The following SLC9A9 variants were observed in gnomAD, a reference collection of about 807,000 sequenced individuals.
The protein encoded by SLC9A9 is sodium/hydrogen exchanger 9.
Under a neutral mutation model 77.8 loss-of-function variants are expected in SLC9A9, and 62 were observed. That is an observed-to-expected ratio of 0.80 (90% CI 0.65 to 0.98). The LOEUF (loss-of-function observed/expected upper bound fraction) is 0.98, where lower values mean the gene tolerates loss of function less well. Among genes scored for constraint, SLC9A9 ranks in the 50% least tolerant of loss-of-function variants. The pLI, the probability that SLC9A9 is intolerant of heterozygous loss-of-function variation, is 0.00. For missense variants in SLC9A9, 775 were observed against 774.9 expected (o/e 1.00, Z 0.00); for synonymous variants, 320 against 283.5 (o/e 1.13, Z -1.29).
chr3:143,305,954 T>A (rs557018367), intron 14 of SLC9A9, among the ~76,000 whole-genome samples: 4 of 152,328 alleles, frequency 2.6e-5, no homozygotes, highest in African/African-American at 9.6e-5. Flanking sequence ...CAAAACGGTC[T>A]AACAATTTCC....
chr3:143,722,952 A>G (rs568696269), intron 4 of SLC9A9, among the ~76,000 whole-genome samples: 6 of 152,264 alleles, frequency 3.9e-5, no homozygotes, highest in African/African-American at 1.4e-4. Context: ...CTTATCCCAT[A>G]TCACCAGTTG....
intron 8 of SLC9A9, among the ~76,000 whole-genome samples, chr3:143,570,036 GC>G (rs2037233725): frequency 1.3e-5 from 2 of 151,414 alleles, no homozygotes; most frequent in East Asian, 1.9e-4. Context: ...GAACTCTTGG[GC>G]CCAAGCAATC....
chr3:143,777,993 A>C (rs868477415), intron 4 of SLC9A9, among the ~76,000 whole-genome samples: 2 of 128,284 alleles, frequency 1.6e-5, no homozygotes, highest in South Asian at 5.3e-4. Flanking sequence ...GATTACAGGC[A>C]TGAGCCACCA....
chr3:143,385,399 A>G (rs2033401140), intron 12 of SLC9A9, among the ~76,000 whole-genome samples: 1 of 152,194 alleles, frequency 6.6e-6, no homozygotes, highest in Non-Finnish European at 1.5e-5. Context: ...ATTGCCTTGG[A>G]GGGCAATTTT....
chr3:143,576,221 T>C (rs1316406956), intron 7 of SLC9A9, among the ~76,000 whole-genome samples: 2 of 152,252 alleles, frequency 1.3e-5, no homozygotes, highest in Non-Finnish European at 2.9e-5. Flanking sequence ...TAACTTTAAT[T>C]GTCTCAGTTT....
intron 2 of SLC9A9, among the ~76,000 whole-genome samples, chr3:143,809,729 G>A (rs2008814588): frequency 6.6e-6 from 1 of 152,192 alleles, no homozygotes; most frequent in Non-Finnish European, 1.5e-5. Flanking sequence ...AAATCTTATG[G>A]ACAAGCACTG....
At chr3:143,361,674 G>A (rs762231198) in intron 14 of SLC9A9, among the ~76,000 whole-genome samples, 9 of 152,158 alleles carry the variant, frequency 5.9e-5, no homozygotes, top group Non-Finnish European at 1.3e-4. Context: ...AAATTACCAT[G>A]AGAAGAGATA....
chr3:143,412,873 T>C (rs902332955), intron 12 of SLC9A9, among the ~76,000 whole-genome samples: 2 of 152,200 alleles, frequency 1.3e-5, no homozygotes, highest in Non-Finnish European at 2.9e-5. Context: ...CCAGGCTTTG[T>C]AGCAGGAATT....
intron 1 of SLC9A9, among the ~76,000 whole-genome samples, chr3:143,844,600 A>T (rs1462802291): frequency 6.6e-6 from 1 of 152,234 alleles, no homozygotes; most frequent in African/African-American, 2.4e-5. Flanking sequence ...AAATCTTAAA[A>T]TATATTTCAT....
At chr3:143,441,791 G>T (rs1387815649) in intron 12 of SLC9A9, among the ~76,000 whole-genome samples, 1 of 151,868 alleles carries the variant, frequency 6.6e-6, no homozygotes, top group East Asian at 1.9e-4. Flanking sequence ...CATATGTAAA[G>T]TGTCCTTTAA....
chr3:143,303,623 G>T (rs1257596267), intron 14 of SLC9A9, among the ~76,000 whole-genome samples: 1 of 152,136 alleles, frequency 6.6e-6, no homozygotes, highest in South Asian at 2.1e-4. Context: ...ACTTTGGAAA[G>T]ATATTATTTG....
intron 4 of SLC9A9, among the ~76,000 whole-genome samples, chr3:143,731,894 C>T (rs1934812165): frequency 2.6e-5 from 4 of 152,218 alleles, no homozygotes. Context: ...GGATGTGAGA[C>T]ATCACTTGAA....
chr3:143,831,677 G>A (rs2009437144), intron 2 of SLC9A9, among the ~76,000 whole-genome samples: 1 of 152,160 alleles, frequency 6.6e-6, no homozygotes, highest in Non-Finnish European at 1.5e-5. Context: ...TATATACAAC[G>A]GTGCTGAAAG....
At chr3:143,715,096 G>A (rs1387200084) in intron 4 of SLC9A9, among the ~76,000 whole-genome samples, 2 of 152,164 alleles carry the variant, frequency 1.3e-5, no homozygotes, top group Non-Finnish European at 2.9e-5. Context: ...CCAGCCAAGT[G>A]GAACTGCAAG....
intron 14 of SLC9A9, among the ~76,000 whole-genome samples, chr3:143,358,700 G>C (rs572168796): frequency 5.9e-5 from 9 of 152,258 alleles, no homozygotes; most frequent in South Asian, 4.2e-4. Context: ...AATTTTATCT[G>C]ATGTCTTAAA....
intron 8 of SLC9A9, among the ~76,000 whole-genome samples, chr3:143,567,891 A>G (rs550167610): frequency 6.6e-6 from 1 of 152,304 alleles, no homozygotes; most frequent in South Asian, 2.1e-4. Context: ...TGCACCTGGC[A>G]TAAGATGGTC....
intron 6 of SLC9A9, among the ~76,000 whole-genome samples, chr3:143,628,783 T>G (rs974838188): frequency 6.6e-6 from 1 of 152,182 alleles, no homozygotes; most frequent in African/African-American, 2.4e-5. Flanking sequence ...AGAAGACATT[T>G]TGTCAACAGT....
chr3:143,843,273 T>C (rs1012256775), intron 1 of SLC9A9, among the ~76,000 whole-genome samples: 1 of 152,088 alleles, frequency 6.6e-6, no homozygotes, highest in Non-Finnish European at 1.5e-5. Flanking sequence ...AGCCAACATG[T>C]CCAACAACCC....
intron 4 of SLC9A9, among the ~76,000 whole-genome samples, chr3:143,750,750 C>T (rs13085350): frequency 7.0e-6 from 1 of 143,130 alleles, no homozygotes; most frequent in Middle Eastern, 3.4e-3. Flanking sequence ...TATATATATA[C>T]ATATATAATT....
Sources: gnomAD v4.1 joint callset for allele counts (sites outside exome capture counted in the v4.1 genomes callset) on GRCh38, gnomAD v4.1.1 for gene constraint, MANE v1.5 for transcripts, NCBI Gene and HGNC (gene_info 2026-07-23, HGNC 2026-07-21) for gene names.